ALPK1: variants seen among roughly 807,000 people sequenced by gnomAD.
ALPK1 encodes alpha-protein kinase 1.
Under a neutral mutation model 120.6 loss-of-function variants are expected in ALPK1, and 110 were observed. The observed-to-expected ratio is 0.91, with a 90% CI of 0.78 to 1.07. ALPK1 has a LOEUF of 1.07. Ranked by LOEUF, ALPK1 falls within the 50% of genes least tolerant of loss-of-function variation. The probability of loss-of-function intolerance (pLI) is 0.00; values close to 1 mark genes in which losing one functional copy is unlikely to be tolerated. For synonymous variants in ALPK1, 582 were observed against 560.3 expected (o/e 1.04, Z -0.55); for missense variants, 1,498 against 1,483.9 (o/e 1.01, Z -0.16).
intron 5 of ALPK1, among the ~76,000 whole-genome samples, chr4:112,417,037 A>G (rs1400463950): frequency 6.6e-6 from 1 of 152,206 alleles, no homozygotes; most frequent in Admixed American, 6.5e-5. Flanking sequence ...ATCAATAATA[A>G]GAGTCCAGAA....
At chr4:112,418,411 T>G (rs1017799492) in intron 5 of ALPK1, among the ~76,000 whole-genome samples, 2 of 152,236 alleles carry the variant, frequency 1.3e-5, no homozygotes, top group African/African-American at 4.8e-5. Context: ...CTGAGAGGAC[T>G]GACTGCCGGG....
At chr4:112,300,827 T>C (rs1328136801) in intron 1 of ALPK1, among the ~76,000 whole-genome samples, 1 of 152,220 alleles carries the variant, frequency 6.6e-6, no homozygotes, top group Non-Finnish European at 1.5e-5. Context: ...TATCTGCACA[T>C]ATTGTACTTA....
rs752352707 is a variant in ALPK1 at position 112,432,587 on chromosome 4, T to C, written c.3034+6T>C. 1.2e-5 allele frequency: 20 copies of C among 1,606,304 alleles called. No individual in the cohort carries two copies. Among genetic ancestry groups the C allele is most frequent in the Non-Finnish European group, 1.1e-5 (13 of 1,178,056 alleles). On this transcript the variant is annotated splice_donor_region_variant and intron_variant, in intron 11 of 15. Coordinates refer to ENST00000650871, the MANE Select transcript of ALPK1 (RefSeq NM_025144.4). ...TCAACTCCACCGAGCACATAGTAAG[T>C]ACAATCTTTTCAATAGTTCCCCCCT...
At chr4:112,324,275 C>T (rs540594261) in intron 2 of ALPK1, among the ~76,000 whole-genome samples, 2 of 149,406 alleles carry the variant, frequency 1.3e-5, no homozygotes, top group South Asian at 4.2e-4. Flanking sequence ...TGCAGTGAGC[C>T]GAGATCATGC....
chr4:112,377,964 C>G, intron 3 of ALPK1, 66 bp downstream of exon 3: 2 of 1,497,936 alleles, frequency 1.3e-6, no homozygotes, highest in South Asian at 2.7e-5. Context: ...CCTGCCTGAA[C>G]GACACGTTCT....
intron 4 of ALPK1, among the ~76,000 whole-genome samples, chr4:112,395,388 A>G (rs1489199740): frequency 6.6e-6 from 1 of 152,184 alleles, no homozygotes; most frequent in African/African-American, 2.4e-5. Flanking sequence ...TTGAATCAGT[A>G]CTTTCTTTTA....
chr4:112,350,905 G>C (rs1730325382), intron 2 of ALPK1, among the ~76,000 whole-genome samples: 3 of 152,186 alleles, frequency 2.0e-5, no homozygotes, highest in Admixed American at 2.0e-4. Context: ...GGGGACATAT[G>C]GGGTGAGTCT....
At chr4:112,373,043 A>G (rs974486347) in intron 2 of ALPK1, among the ~76,000 whole-genome samples, 1 of 152,206 alleles carries the variant, frequency 6.6e-6, no homozygotes, top group African/African-American at 2.4e-5. Context: ...TTCTTGCTTT[A>G]ATTTTGGACT....
At chr4:112,411,362 C>T (rs1331188074) in intron 4 of ALPK1, among the ~76,000 whole-genome samples, 1 of 152,122 alleles carries the variant, frequency 6.6e-6, no homozygotes, top group Non-Finnish European at 1.5e-5. Context: ...GTAGCTGGGA[C>T]TACAGGCGCA....
chr4:112,403,904 A>G (rs1292418720), intron 4 of ALPK1, among the ~76,000 whole-genome samples: 1 of 152,220 alleles, frequency 6.6e-6, no homozygotes, highest in African/African-American at 2.4e-5. Flanking sequence ...GCTCAAATAT[A>G]TGGCGTGTTC....
At chr4:112,428,982 C>T (rs185534701) in intron 9 of ALPK1, among the ~76,000 whole-genome samples, 167 bp from the exon 10 acceptor site, 2 of 152,340 alleles carry the variant, frequency 1.3e-5, no homozygotes, top group Admixed American at 6.5e-5. Context: ...AAAGTCAACA[C>T]CTTGTGGTCT....
chr4:112,307,497 A>G (rs1384723630), intron 1 of ALPK1, among the ~76,000 whole-genome samples: 4 of 152,076 alleles, frequency 2.6e-5, no homozygotes, highest in East Asian at 3.8e-4. Context: ...TCCCTTTACC[A>G]TTATGTAATG....
At position 112,297,411 on chromosome 4, in the gene ALPK1, T is replaced by A. The variant is rs1191408381; in HGVS notation, c.-211T>A. 2.0e-5 allele frequency: 3 copies of A among 152,082 alleles called. No individual in the cohort carries two copies. The highest frequency in any genetic ancestry group is 4.4e-5 in the Non-Finnish European group (3 of 67,986). 9.4% of individuals were successfully genotyped at this position (152,082 alleles called of 1,614,324 possible). ...TGTTTCAGAGAGGCTGTACCAGAATTAACTCTGCTCAGAGTTAGATTTGCT... is the reference window on the plus strand; with the variant it reads ...TGTTTCAGAGAGGCTGTACCAGAATAAACTCTGCTCAGAGTTAGATTTGCT... On this transcript the variant is annotated 5_prime_UTR_variant, in exon 1 of 16. Transcript: ENST00000650871.
intron 10 of ALPK1, among the ~76,000 whole-genome samples, chr4:112,429,670 C>T (rs1002044265): frequency 7.9e-5 from 12 of 151,680 alleles, no homozygotes; most frequent in African/African-American, 2.4e-4. Flanking sequence ...TTTGTCTCTA[C>T]AAAAAATTAA....
intron 4 of ALPK1, among the ~76,000 whole-genome samples, chr4:112,404,168 T>C (rs1006225387): frequency 6.6e-6 from 1 of 152,266 alleles, no homozygotes; most frequent in East Asian, 1.9e-4. Flanking sequence ...TTAGCCATTC[T>C]CTGGGATAAA....
In ALPK1 at chr4:112,383,844, A is replaced by G. The variant is rs892889404; in HGVS notation, c.276+1292A>G. ...AAAATGCATTTACTACACCCAACCT[A>G]CTAAACATCATAGCTTAGCTTAGCC... On this transcript the variant is annotated intron_variant, in intron 4 of 15. Transcript: ENST00000650871. 2.0e-5 allele frequency: 3 copies of G among 152,222 alleles called. No homozygotes were observed. The East Asian group carries it at 5.8e-4, about 29-fold the overall frequency. 9.4% of individuals were successfully genotyped at this position (152,222 alleles called of 1,614,324 possible).
intron 2 of ALPK1, among the ~76,000 whole-genome samples, chr4:112,375,707 G>A (rs930912668): frequency 3.3e-5 from 5 of 150,768 alleles, no homozygotes; most frequent in Admixed American, 3.3e-4. Context: ...CTTACCACCT[G>A]TGTGTTCTCT....
intron 2 of ALPK1, among the ~76,000 whole-genome samples, chr4:112,330,861 G>A (rs1729339084): frequency 6.6e-6 from 1 of 152,210 alleles, no homozygotes; most frequent in Non-Finnish European, 1.5e-5. Flanking sequence ...GGACTAATGT[G>A]GGTGAATTAA....
chr4:112,313,585 T>C (rs772635188), intron 1 of ALPK1, among the ~76,000 whole-genome samples: 34 of 152,282 alleles, frequency 2.2e-4, no homozygotes, highest in Non-Finnish European at 4.9e-4. Flanking sequence ...TAGTCGGATA[T>C]GGTGGCAAAT....
Sources: gnomAD v4.1 joint callset for allele counts (sites outside exome capture counted in the v4.1 genomes callset) on GRCh38, gnomAD v4.1.1 for gene constraint, MANE v1.5 for transcripts, NCBI Gene and HGNC (gene_info 2026-07-23, HGNC 2026-07-21) for gene names.